The following AKAP19 variants were observed in gnomAD, a reference collection of about 807,000 sequenced individuals.
The protein encoded by AKAP19 is A-kinase anchoring protein 19.
the AKAP19 span, among the ~76,000 whole-genome samples, chr2:189,898,858 A>G: frequency 5.3e-5 from 8 of 152,276 alleles, no homozygotes; most frequent in African/African-American, 1.9e-4. Flanking sequence ...TCAAATGCAA[A>G]TCTAATCAAA....
At chr2:190,127,002 T>C in the AKAP19 span, among the ~76,000 whole-genome samples, 1 of 152,056 alleles carries the variant, frequency 6.6e-6, no homozygotes, top group Admixed American at 6.5e-5. Flanking sequence ...TCAGTACAGC[T>C]TCCTTTGGCC....
the AKAP19 span, among the ~76,000 whole-genome samples, chr2:189,978,879 C>T: frequency 1.3e-5 from 2 of 151,854 alleles, no homozygotes; most frequent in South Asian, 4.2e-4. Context: ...TAAAAAGTTA[C>T]CTGGTAATTA....
chr2:189,927,369 A>C, the AKAP19 span, among the ~76,000 whole-genome samples: 1 of 152,256 alleles, frequency 6.6e-6, no homozygotes, highest in Non-Finnish European at 1.5e-5. Context: ...TTTTTTAAAA[A>C]TGAAATCGAA....
the AKAP19 span, among the ~76,000 whole-genome samples, chr2:190,107,051 A>T: frequency 6.6e-6 from 1 of 152,218 alleles, no homozygotes; most frequent in Admixed American, 6.5e-5. Context: ...ATCTAGGTGT[A>T]CTGAGGAGAA....
the AKAP19 span, among the ~76,000 whole-genome samples, chr2:190,178,226 G>A: frequency 1.4e-4 from 21 of 152,260 alleles, no homozygotes; most frequent in African/African-American, 4.3e-4. This position sits in a 1 kb window ranked among gnomAD's most constrained non-coding sequence, Gnocchi z 6.3. Flanking sequence ...CAGCTTTCCC[G>A]AATCCCAGGG....
chr2:190,009,542 G>T, the AKAP19 span, among the ~76,000 whole-genome samples: 1 of 152,184 alleles, frequency 6.6e-6, no homozygotes, highest in African/African-American at 2.4e-5. Context: ...GATGGCAAAG[G>T]CTGCAGTGGA....
chr2:190,132,457 G>A, the AKAP19 span, among the ~76,000 whole-genome samples: 1 of 152,110 alleles, frequency 6.6e-6, no homozygotes, highest in Non-Finnish European at 1.5e-5. Flanking sequence ...ACACAGAATA[G>A]AGAGCCCAGA....
the AKAP19 span, chr2:190,199,577 T>A: frequency 4.7e-6 from 2 of 424,318 alleles, no homozygotes; most frequent in Non-Finnish European, 7.5e-6. Context: ...TAAAGCTGTT[T>A]GTTTTTACCT....
the AKAP19 span, among the ~76,000 whole-genome samples, chr2:190,045,730 G>A: frequency 1.3e-5 from 2 of 152,172 alleles, no homozygotes; most frequent in Non-Finnish European, 2.9e-5. Context: ...ATGGAAGTGG[G>A]GCCTGCAGGC....
chr2:189,989,301 AG>A, the AKAP19 span, among the ~76,000 whole-genome samples: 5 of 152,268 alleles, frequency 3.3e-5, no homozygotes, highest in East Asian at 9.6e-4. Context: ...GAAAAAAAGG[AG>A]TAGAGCAAAG....
chr2:190,198,799 G>A, the AKAP19 span, among the ~76,000 whole-genome samples: 1 of 152,168 alleles, frequency 6.6e-6, no homozygotes, highest in South Asian at 2.1e-4. Context: ...AAGCTGTCTT[G>A]TATTGTTTTA....
the AKAP19 span, among the ~76,000 whole-genome samples, chr2:190,089,088 A>G: frequency 6.6e-6 from 1 of 152,156 alleles, no homozygotes. Context: ...TTCATGTTGT[A>G]GTTGATTGTG....
At chr2:189,885,218 G>A in the AKAP19 span, among the ~76,000 whole-genome samples, 2 of 152,140 alleles carry the variant, frequency 1.3e-5, no homozygotes, top group African/African-American at 2.4e-5. Context: ...TATAACAGAC[G>A]TGATGCCATA....
At chr2:190,182,866 T>C in the AKAP19 span, among the ~76,000 whole-genome samples, 1 of 152,344 alleles carries the variant, frequency 6.6e-6, no homozygotes, top group South Asian at 2.1e-4. Context: ...AGTTAAGCAT[T>C]TCTTGAATCT....
At chr2:190,120,076 G>A in the AKAP19 span, among the ~76,000 whole-genome samples, 1 of 152,160 alleles carries the variant, frequency 6.6e-6, no homozygotes, top group African/African-American at 2.4e-5. Flanking sequence ...GTACCAGTCC[G>A]TGGCCTGTTA....
chr2:189,892,206 A>G, the AKAP19 span, among the ~76,000 whole-genome samples: 4 of 151,842 alleles, frequency 2.6e-5, no homozygotes, highest in East Asian at 7.8e-4. Context: ...GGAGTTCGTT[A>G]TTACCCACCT....
chr2:190,126,289 CAAAAAAAAAAAAAAAAAAAAAAA>C, the AKAP19 span, among the ~76,000 whole-genome samples: 6 of 31,300 alleles, frequency 1.9e-4, no homozygotes, highest in African/African-American at 5.7e-4. Flanking sequence ...GATTCCATCT[CAAAAAAAAAAAAAAAAAAAAAAA>C]AAAAAAAAAA....
chr2:189,899,456 TA>T, the AKAP19 span, among the ~76,000 whole-genome samples: 3 of 152,224 alleles, frequency 2.0e-5, no homozygotes, highest in African/African-American at 7.2e-5. Context: ...ACTCTGTTAT[TA>T]TTTTCATTGA....
At chr2:190,200,349 T>G in the AKAP19 span, 1 of 558,428 alleles carries the variant, frequency 1.8e-6, no homozygotes, top group Non-Finnish European at 3.3e-6. Context: ...TAGTCTTAGA[T>G]TTTAGTCATC....
Sources: allele counts gnomAD v4.1 joint callset (sites outside exome capture counted in the v4.1 genomes callset), GRCh38; gene constraint gnomAD v4.1.1; non-coding constraint Gnocchi (gnomAD v3.1); transcripts MANE v1.5; gene names NCBI Gene and HGNC (gene_info 2026-07-23, HGNC 2026-07-21).